Variants in TBL1XR1 observed in about 807,000 individuals in gnomAD.
TBL1XR1 encodes the protein F-box-like/WD repeat-containing protein TBL1XR1.
In TBL1XR1, 5 loss-of-function variants were observed where a neutral mutation model predicts 66.9. That is an observed-to-expected ratio of 0.07 (90% CI 0.04 to 0.16). The LOEUF (loss-of-function observed/expected upper bound fraction) is 0.16, where lower values mean the gene tolerates loss of function less well. Among genes scored for constraint, TBL1XR1 ranks in the 10% least tolerant of loss-of-function variants. The probability of loss-of-function intolerance (pLI) is 1.00; values close to 1 mark genes in which losing one functional copy is unlikely to be tolerated. For missense variants in TBL1XR1, 238 were observed against 623.2 expected, an observed-to-expected ratio of 0.38 and a Z score of 6.58; for synonymous variants, 210 against 206.0, an observed-to-expected ratio of 1.02 and a Z score of -0.17.
intron 1 of TBL1XR1, among the ~76,000 whole-genome samples, chr3:177,189,570 G>A (rs984137615): frequency 1.3e-5 from 2 of 151,024 alleles, no homozygotes; most frequent in Non-Finnish European, 2.9e-5. Context: ...CAGGAGAATC[G>A]CTTGAACCCA....
At chr3:177,088,179 AG>A (rs1457851806) in intron 2 of TBL1XR1, among the ~76,000 whole-genome samples, 5 of 152,248 alleles carry the variant, frequency 3.3e-5, no homozygotes, top group Admixed American at 6.5e-5. Context: ...GTTCTATCAC[AG>A]TTAATATAAA....
chr3:177,183,073 T>C (rs571959902), intron 1 of TBL1XR1, among the ~76,000 whole-genome samples: 97 of 152,262 alleles, frequency 6.4e-4, no homozygotes, highest in African/African-American at 2.2e-3. Context: ...AACTTCAGAA[T>C]CCTCATACAG....
intron 1 of TBL1XR1, among the ~76,000 whole-genome samples, chr3:177,139,728 G>A (rs4607122): frequency 0.36 from 54,638 of 151,272 alleles, 10,410 homozygotes; most frequent in Middle Eastern, 0.47. Context: ...TACTTACAAC[G>A]TAAGACATGC....
intron 14 of TBL1XR1, chr3:177,026,929 T>C (rs1223641138): frequency 6.5e-6 from 1 of 153,904 alleles, no homozygotes; most frequent in Non-Finnish European, 1.4e-5. Flanking sequence ...TATAAATCTG[T>C]TATTCACTCT....
At chr3:177,071,177 C>A (rs1410798195) in intron 2 of TBL1XR1, among the ~76,000 whole-genome samples, 5 of 151,980 alleles carry the variant, frequency 3.3e-5, no homozygotes, top group African/African-American at 1.2e-4. Context: ...ACTATAGGCA[C>A]CCGCCACCGT....
rs541655973 is a variant in TBL1XR1 at position 177,179,104 on chromosome 3, C to A, written c.-122+18017G>T. 7.0e-4 allele frequency among the ~76,000 whole-genome samples: 84 copies of A among 119,442 alleles called. 1 individual carries two copies. Among genetic ancestry groups the A allele is most frequent in the Non-Finnish European group, 2.1e-4 (13 of 61,156 alleles). The allele number at this position is 119,442 out of a possible 152,430, so 78.4% of individuals were successfully genotyped here. A position where few individuals can be genotyped will look rare whatever the true frequency, so the allele number is the denominator to read the frequency against. On this transcript the variant is annotated intron_variant, in intron 1 of 15. Transcript: ENST00000457928. ...TGCACTCCAGCCTGGGCAACAAGAG[C>A]GAAACTACGTCTCAAAAAAAAAAAA...
chr3:177,022,148 G>A lies in TBL1XR1; in HGVS notation c.*3350C>T, dbSNP rs1712459553. On this transcript the variant is annotated 3_prime_UTR_variant, in exon 16 of 16. Transcript: ENST00000457928. ...TAAGGGAAAAAGGAGTGCTTTGTAA[G>A]TGAAAAAGTACAAATCTTTGGCCTT... The A allele has an allele frequency of 6.6e-6, 1 of 152,560 alleles. No homozygotes were observed. The highest frequency in any genetic ancestry group is 2.1e-4 in the South Asian group (1 of 4,826). 9.5% of individuals were successfully genotyped at this position (152,560 alleles called of 1,614,324 possible).
chr3:177,112,107 A>ATATATTTTT, intron 1 of TBL1XR1, among the ~76,000 whole-genome samples: 2 of 37,650 alleles, frequency 5.3e-5, no homozygotes, highest in Non-Finnish European at 8.9e-5. Context: ...ATATATATAT[A>ATATATTTTT]TTTTTTTTTT....
chr3:177,025,957 C>G, intron 15 of TBL1XR1: 1 of 267,544 alleles, frequency 3.7e-6, no homozygotes, highest in Non-Finnish European at 7.0e-6. Context: ...CTAACCTCAT[C>G]CTGAAAATCT....
chr3:177,136,197 T>TATA (rs1479466488), intron 1 of TBL1XR1: 1 of 152,152 alleles, frequency 6.6e-6, no homozygotes, highest in Non-Finnish European at 1.5e-5. Context: ...TACACACATG[T>TATA]ATAAGGCAGA....
chr3:177,047,479 C>T lies in TBL1XR1; in HGVS notation c.766+7G>A, dbSNP rs1471644311. ...CAACAAAGTAAAAAGGAAAATGCTT[C>T]ATTTACCATCTTTAGTCCATATTCT... On this transcript the variant is annotated splice_region_variant and intron_variant, in intron 8 of 15. Transcript: ENST00000457928. The T allele has an allele frequency of 1.2e-6, 2 of 1,612,346 alleles. No homozygotes were observed. Among genetic ancestry groups the T allele is most frequent in the Non-Finnish European group, 1.7e-6 (2 of 1,179,064 alleles).
chr3:177,091,695 ACT>A (rs1722864535), intron 2 of TBL1XR1, among the ~76,000 whole-genome samples: 3 of 152,180 alleles, frequency 2.0e-5, no homozygotes, highest in African/African-American at 7.2e-5. Flanking sequence ...GCTCACAATA[ACT>A]CAAAAAAATC....
chr3:177,070,615 G>A lies in TBL1XR1; in HGVS notation c.-45-5593C>T, dbSNP rs183986373. ...TGTAATCCTAGCACTTTGGGGGGCC[G>A]AGGCGGGTGGATCACCTGAGGTCAG... On this transcript the variant is annotated intron_variant, in intron 2 of 15. Transcript: ENST00000457928. 1.9e-3 allele frequency among the ~76,000 whole-genome samples: 288 copies of A among 152,258 alleles called. 1 individual carries two copies. Among genetic ancestry groups the A allele is most frequent in the Middle Eastern group, 6.8e-3 (2 of 294 alleles).
intron 2 of TBL1XR1, among the ~76,000 whole-genome samples, chr3:177,071,345 G>A (rs550289886): frequency 6.6e-6 from 1 of 152,116 alleles, no homozygotes; most frequent in Admixed American, 6.5e-5. Context: ...AAAGAGAAAA[G>A]GAGGCCAGGG....
intron 2 of TBL1XR1, among the ~76,000 whole-genome samples, chr3:177,081,705 G>A (rs116020945): frequency 0.026 from 3,775 of 147,588 alleles, 60 homozygotes; most frequent in Non-Finnish European, 0.036. Context: ...TGCGCTGCAT[G>A]CACTCCAGCC....
intron 1 of TBL1XR1, among the ~76,000 whole-genome samples, chr3:177,164,588 T>C (rs1278974347): frequency 6.6e-6 from 1 of 152,092 alleles, no homozygotes; most frequent in Non-Finnish European, 1.5e-5. Flanking sequence ...AACCTCATGA[T>C]CCACCCGCCT....
chr3:177,028,950 G>A (rs1713545710), intron 14 of TBL1XR1, among the ~76,000 whole-genome samples: 1 of 151,918 alleles, frequency 6.6e-6, no homozygotes, highest in South Asian at 2.1e-4. Flanking sequence ...GACAATGAAT[G>A]GTGCTAAGAC....
At chr3:177,142,084 A>T (rs1577294505) in intron 1 of TBL1XR1, among the ~76,000 whole-genome samples, 2 of 152,180 alleles carry the variant, frequency 1.3e-5, no homozygotes, top group African/African-American at 4.8e-5. Context: ...ATGGGCACAG[A>T]GTTTCAGTTT....
intron 1 of TBL1XR1, chr3:177,126,251 G>C (rs1727617032): frequency 6.6e-6 from 1 of 152,078 alleles, no homozygotes; most frequent in African/African-American, 2.4e-5. Context: ...ATTCAGCCAA[G>C]AATCTGCATT....
Sources: gnomAD v4.1 joint callset for allele counts (sites outside exome capture counted in the v4.1 genomes callset) on GRCh38, gnomAD v4.1.1 for gene constraint, MANE v1.5 for transcripts, NCBI Gene and HGNC (gene_info 2026-07-23, HGNC 2026-07-21) for gene names.